The following NBAS variants were observed in gnomAD, a reference collection of about 807,000 sequenced individuals.
NBAS encodes NAG/BC035112 fusion.
Under a neutral mutation model 302.5 loss-of-function variants are expected in NBAS, and 219 were observed. The observed-to-expected ratio is 0.72, with a 90% CI of 0.65 to 0.81. The LOEUF is 0.81. NBAS is among the 30% of genes least tolerant of loss of function. The pLI is 0.00. For synonymous variants in NBAS, 1,118 were observed against 1,021.6 expected, an observed-to-expected ratio of 1.09 and a Z score of -1.80; for missense variants, 2,932 against 2,841.6, an observed-to-expected ratio of 1.03 and a Z score of -0.72.
intron 21 of NBAS, 147 bp from the exon 22 acceptor site, chr2:15,427,941 A>G: frequency 1.6e-6 from 1 of 638,036 alleles, no homozygotes; most frequent in Non-Finnish European, 2.7e-6. Flanking sequence ...GATACATATT[A>G]TATACATACT....
intron 44 of NBAS, among the ~76,000 whole-genome samples, chr2:15,255,512 T>C (rs1165831186): frequency 6.6e-6 from 1 of 152,178 alleles, no homozygotes; most frequent in African/African-American, 2.4e-5. Context: ...CTCTGTAGGT[T>C]GTTGAGTAGC....
At chr2:14,895,633 G>T in the NBAS span, among the ~76,000 whole-genome samples, 1 of 152,030 alleles carries the variant, frequency 6.6e-6, no homozygotes, top group African/African-American at 2.4e-5. Flanking sequence ...CAGCTACTTG[G>T]GGAGGCTGAG....
the NBAS span, among the ~76,000 whole-genome samples, chr2:14,963,910 C>G: frequency 6.6e-6 from 1 of 152,216 alleles, no homozygotes; most frequent in East Asian, 1.9e-4. Context: ...GCTGGAACAT[C>G]TCATAATTCA....
At chr2:15,139,933 T>C in the NBAS span, among the ~76,000 whole-genome samples, 1 of 152,194 alleles carries the variant, frequency 6.6e-6, no homozygotes, top group Non-Finnish European at 1.5e-5. Flanking sequence ...CTAATGTGAC[T>C]TTGACATTCT....
the NBAS span, among the ~76,000 whole-genome samples, chr2:15,045,260 A>T: frequency 6.6e-6 from 1 of 152,218 alleles, no homozygotes; most frequent in South Asian, 2.1e-4. Flanking sequence ...AGTGAAGAGA[A>T]TAAGTATTCC....
intron 12 of NBAS, among the ~76,000 whole-genome samples, chr2:15,487,504 T>C (rs1680682059): frequency 6.6e-6 from 1 of 152,112 alleles, no homozygotes. Context: ...TTTCCATCAG[T>C]GTTTGGTTGA....
chr2:15,134,754 A>C, the NBAS span, among the ~76,000 whole-genome samples: 2 of 152,154 alleles, frequency 1.3e-5, no homozygotes, highest in Non-Finnish European at 2.9e-5. Flanking sequence ...TATGGCTTGT[A>C]TATCTACCCT....
intron 47 of NBAS, among the ~76,000 whole-genome samples, chr2:15,220,186 C>T (rs1666886459): frequency 7.0e-6 from 1 of 142,512 alleles, no homozygotes; most frequent in Non-Finnish European, 1.5e-5. Context: ...GGGCTGACCC[C>T]CCCACCTCCC....
At chr2:15,064,108 T>C in the NBAS span, among the ~76,000 whole-genome samples, 1 of 152,072 alleles carries the variant, frequency 6.6e-6, no homozygotes, top group African/African-American at 2.4e-5. Flanking sequence ...GTCTTCGTTG[T>C]CGAAAACAGG....
the NBAS span, among the ~76,000 whole-genome samples, chr2:14,846,982 A>G: frequency 6.6e-6 from 1 of 152,326 alleles, no homozygotes; most frequent in Middle Eastern, 3.4e-3. Flanking sequence ...ATAACATTGA[A>G]TGTAAATGGA....
chr2:14,984,547 G>C, the NBAS span, among the ~76,000 whole-genome samples: 1 of 152,270 alleles, frequency 6.6e-6, no homozygotes, highest in Non-Finnish European at 1.5e-5. Context: ...CCCTCTAAGT[G>C]AACTACTTTA....
At chr2:15,042,061 G>A in the NBAS span, among the ~76,000 whole-genome samples, 3 of 152,224 alleles carry the variant, frequency 2.0e-5, no homozygotes, top group Non-Finnish European at 4.4e-5. Context: ...AGCACATGCA[G>A]CTTCTAAATC....
intron 41 of NBAS, among the ~76,000 whole-genome samples, chr2:15,289,525 T>C (rs531348067): frequency 1.1e-4 from 16 of 152,340 alleles, no homozygotes; most frequent in Middle Eastern, 3.4e-3. Flanking sequence ...GCACATTGCC[T>C]GGCACAAGAC....
the NBAS span, among the ~76,000 whole-genome samples, chr2:14,935,002 T>G: frequency 6.6e-6 from 1 of 152,180 alleles, no homozygotes; most frequent in Non-Finnish European, 1.5e-5. Flanking sequence ...ATATTTTTCA[T>G]TAATCCAGGA....
the NBAS span, among the ~76,000 whole-genome samples, chr2:15,025,518 A>T: frequency 8.5e-5 from 13 of 152,344 alleles, no homozygotes; most frequent in African/African-American, 2.6e-4. Context: ...TGGTAGTTCG[A>T]TAGGAATAGC....
the NBAS span, among the ~76,000 whole-genome samples, chr2:14,784,875 T>C: frequency 6.6e-6 from 1 of 152,228 alleles, no homozygotes. Context: ...GGTAGCTTGA[T>C]GGGGATGGCA....
intron 47 of NBAS, among the ~76,000 whole-genome samples, chr2:15,221,407 C>T (rs1199542366): frequency 6.6e-6 from 1 of 152,078 alleles, no homozygotes; most frequent in Non-Finnish European, 1.5e-5. Context: ...AAATAGTAAC[C>T]ACCATTGTCA....
chr2:15,309,430 C>T (rs900153792), intron 38 of NBAS, among the ~76,000 whole-genome samples, 183 bp from the exon 39 acceptor site: 1 of 152,064 alleles, frequency 6.6e-6, no homozygotes, highest in South Asian at 2.1e-4. Flanking sequence ...AGTAACCTTG[C>T]CTTAATTCAG....
chr2:15,417,123 G>A (rs959903419), intron 24 of NBAS, among the ~76,000 whole-genome samples: 1 of 152,188 alleles, frequency 6.6e-6, no homozygotes, highest in Non-Finnish European at 1.5e-5. Context: ...TACTAACCCT[G>A]AAGCCAAGAT....
Sources: gnomAD v4.1 joint callset for allele counts (sites outside exome capture counted in the v4.1 genomes callset) on GRCh38, gnomAD v4.1.1 for gene constraint, MANE v1.5 for transcripts, NCBI Gene and HGNC (gene_info 2026-07-23, HGNC 2026-07-21) for gene names.